RANBP3L: variants seen among roughly 807,000 people sequenced by gnomAD.
RANBP3L encodes the protein RAN binding protein 3 like, also known as ran-binding protein 3-like.
RANBP3L carries 56 observed loss-of-function variants against 67.2 expected under a neutral mutation model. That is an observed-to-expected ratio of 0.83 (90% CI 0.67 to 1.04). The LOEUF (loss-of-function observed/expected upper bound fraction) is 1.04, where lower values mean the gene tolerates loss of function less well. Ranked by LOEUF, RANBP3L falls within the 50% of genes least tolerant of loss-of-function variation. The pLI is 0.00. For missense variants in RANBP3L, 496 were observed against 535.5 expected (o/e 0.93, Z 0.73); for synonymous variants, 164 against 181.4 (o/e 0.90, Z 0.77).
At chr5:36,293,647 C>T (rs13169753) in intron 1 of RANBP3L, among the ~76,000 whole-genome samples, 32,659 of 115,706 alleles carry the variant, frequency 0.28, 5,352 homozygotes, top group Middle Eastern at 0.45. Context: ...TTTCTGCATC[C>T]ATTGAGATAA....
intron 1 of RANBP3L, among the ~76,000 whole-genome samples, chr5:36,280,963 C>T (rs970511927): frequency 6.6e-6 from 1 of 152,158 alleles, no homozygotes; most frequent in African/African-American, 2.4e-5. Flanking sequence ...TCTGGCTGAT[C>T]ACCAAGGATG....
chr5:36,254,310 T>C (rs1450811984), intron 11 of RANBP3L, among the ~76,000 whole-genome samples: 1 of 152,078 alleles, frequency 6.6e-6, no homozygotes, highest in Non-Finnish European at 1.5e-5. Context: ...TGTACATCTA[T>C]ATATACAGAA....
intron 1 of RANBP3L, among the ~76,000 whole-genome samples, chr5:36,281,592 T>A (rs2112014893): frequency 6.6e-6 from 1 of 152,320 alleles, no homozygotes; most frequent in Non-Finnish European, 1.5e-5. Flanking sequence ...CTGCCTTTCA[T>A]GGTTCTGTAT....
intron 8 of RANBP3L, among the ~76,000 whole-genome samples, chr5:36,260,149 C>T (rs966219895): frequency 1.3e-5 from 2 of 150,724 alleles, no homozygotes; most frequent in Non-Finnish European, 3.0e-5. Flanking sequence ...GTCAGGAGAT[C>T]GAGACCATCC....
At chr5:36,265,906 G>C (rs559880606) in intron 4 of RANBP3L, among the ~76,000 whole-genome samples, 1 of 151,176 alleles carries the variant, frequency 6.6e-6, no homozygotes, top group Non-Finnish European at 1.5e-5. Context: ...GAACCCAGGA[G>C]GTGGAGGTTG....
At chr5:36,267,448 C>T (rs1012632927) in intron 4 of RANBP3L, among the ~76,000 whole-genome samples, 1 of 151,344 alleles carries the variant, frequency 6.6e-6, no homozygotes, top group African/African-American at 2.4e-5. Flanking sequence ...GCAGAGGTTG[C>T]AGTAAGCTGA....
At chr5:36,285,838 A>G (rs770699337) in intron 1 of RANBP3L, among the ~76,000 whole-genome samples, 3 of 152,200 alleles carry the variant, frequency 2.0e-5, no homozygotes, top group Non-Finnish European at 4.4e-5. Context: ...TTCATTGGTG[A>G]AATTAATGGC....
intron 1 of RANBP3L, among the ~76,000 whole-genome samples, chr5:36,291,246 A>G (rs1751734137): frequency 6.6e-6 from 1 of 152,064 alleles, no homozygotes; most frequent in Non-Finnish European, 1.5e-5. Context: ...TAGAAGCGCC[A>G]TTCTACTTTC....
rs758189084 is a variant in RANBP3L at position 36,253,794 on chromosome 5, A to G, written c.1025-5T>C. The G allele has an allele frequency of 1.7e-5, 28 of 1,611,940 alleles. 1 individual carries two copies. The highest frequency in any genetic ancestry group is 2.0e-5 in the Non-Finnish European group (23 of 1,178,844). ...GACTGCCTTGATTGCGCATAACTAA[A>G]ATAGGAAGGTGACTACATCAGGCCA... On this transcript the variant is annotated splice_region_variant and splice_polypyrimidine_tract_variant and intron_variant, in intron 11 of 13. Transcript: ENST00000296604.
intron 4 of RANBP3L, 46 bp downstream of exon 4, chr5:36,269,344 A>ATGTCATT: frequency 8.9e-7 from 1 of 1,118,642 alleles, no homozygotes; most frequent in South Asian, 1.3e-5. Context: ...TTTTGCATTC[A>ATGTCATT]GAATAAACAT....
intron 1 of RANBP3L, among the ~76,000 whole-genome samples, chr5:36,290,652 A>AT (rs34953672): frequency 1.4e-5 from 2 of 147,586 alleles, no homozygotes; most frequent in East Asian, 4.0e-4. Flanking sequence ...AAAATAAAGG[A>AT]TTTTTTTTTT....
At chr5:36,274,915 A>G (rs1391939776) in intron 1 of RANBP3L, among the ~76,000 whole-genome samples, 1 of 152,148 alleles carries the variant, frequency 6.6e-6, no homozygotes, top group Non-Finnish European at 1.5e-5. Context: ...TGAATAATTA[A>G]AAGATTAAAA....
chr5:36,259,529 G>A (rs2111728695), intron 8 of RANBP3L, among the ~76,000 whole-genome samples: 1 of 150,406 alleles, frequency 6.6e-6, no homozygotes, highest in African/African-American at 2.4e-5. Context: ...GTTGCAGTGA[G>A]CCGAGATCGT....
intron 1 of RANBP3L, among the ~76,000 whole-genome samples, chr5:36,280,117 CT>C (rs2112001466): frequency 6.6e-6 from 1 of 152,270 alleles, no homozygotes; most frequent in South Asian, 2.1e-4. Context: ...GTTCTAAAGA[CT>C]CAACTCTCTC....
intron 1 of RANBP3L, among the ~76,000 whole-genome samples, chr5:36,299,540 G>A (rs1377544629): frequency 6.6e-6 from 1 of 152,106 alleles, no homozygotes; most frequent in Non-Finnish European, 1.5e-5. Flanking sequence ...CAACACTGCT[G>A]ATAGGAGGGT....
In RANBP3L at chr5:36,301,663, A is replaced by G. The variant is rs915112490; in HGVS notation, c.-247T>C. The G allele has an allele frequency of 1.4e-5, 6 of 414,746 alleles. No individual in the cohort carries two copies. The highest frequency in any genetic ancestry group is 2.2e-5 in the Non-Finnish European group (5 of 229,238). 25.7% of individuals were successfully genotyped at this position (414,746 alleles called of 1,614,324 possible). ...GCCAATTCATTTGGTTAAAAACACA[A>G]CTTAATTCCTTCATTTCAAAACAAA... On this transcript the variant is annotated 5_prime_UTR_variant, in exon 1 of 14. Transcript: ENST00000296604.
intron 8 of RANBP3L, among the ~76,000 whole-genome samples, chr5:36,257,768 G>A (rs926139752): frequency 6.6e-6 from 1 of 151,978 alleles, no homozygotes; most frequent in African/African-American, 2.4e-5. Context: ...ACATAATCTA[G>A]TTACCACCAG....
intron 1 of RANBP3L, among the ~76,000 whole-genome samples, chr5:36,297,030 A>C (rs1229326977): frequency 6.6e-6 from 1 of 151,898 alleles, no homozygotes; most frequent in Non-Finnish European, 1.5e-5. Context: ...CTCTCTCTCT[A>C]TTCTCTCTCG....
In RANBP3L at chr5:36,293,464, A is replaced by G. The variant is rs528339101; in HGVS notation, c.91+7862T>C. Among the ~76,000 whole-genome samples, 188 of 152,092 alleles carry G rather than the reference A, an allele frequency of 1.2e-3. 1 individual carries two copies. The highest frequency in any genetic ancestry group is 4.5e-3 in the African/African-American group (186 of 41,474). On this transcript the variant is annotated intron_variant, in intron 1 of 13. Transcript: ENST00000296604. ...TTGAATAGGAGTGGTGAGAGAGGTC[A>G]TCCCTGTCTTGTGCCAGTCTTCAAA...
Sources: allele counts gnomAD v4.1 joint callset (sites outside exome capture counted in the v4.1 genomes callset), GRCh38; gene constraint gnomAD v4.1.1; transcripts MANE v1.5; gene names NCBI Gene and HGNC (gene_info 2026-07-23, HGNC 2026-07-21).